The following NFE2 variants were observed in gnomAD, a reference collection of about 807,000 sequenced individuals.
The protein encoded by NFE2 is transcription factor NF-E2 45 kDa subunit.
A neutral mutation model predicts 25.8 loss-of-function variants in NFE2; 13 were observed. The ratio of observed to expected loss-of-function variants is 0.50; its 90% CI spans 0.33 to 0.80. The LOEUF (loss-of-function observed/expected upper bound fraction) is 0.80. Ranked by LOEUF, NFE2 falls within the 30% of genes least tolerant of loss-of-function variation. The pLI, the probability that NFE2 is intolerant of heterozygous loss-of-function variation, is 0.02. For synonymous variants in NFE2, 204 were observed against 200.2 expected, an observed-to-expected ratio of 1.02 and a Z score of -0.16; for missense variants, 382 against 478.9, an observed-to-expected ratio of 0.80 and a Z score of 1.89.
At chr12:54,295,365 C>T in intron 1 of NFE2, 61 bp from the exon 2 acceptor site, 1 of 756,094 alleles carries the variant, frequency 1.3e-6, no homozygotes, top group South Asian at 1.7e-5. Flanking sequence ...GTTTGCACTA[C>T]CTCCTTGGAG....
At chr12:54,295,483 G>A in intron 1 of NFE2, 179 bp from the exon 2 acceptor site, 2 of 450,216 alleles carry the variant, frequency 4.4e-6, no homozygotes, top group South Asian at 5.0e-5. Context: ...CCTGTGTTGT[G>A]ATCTCCACCT....
In NFE2 at chr12:54,292,609, C is replaced by T. The variant is rs1191004617; in HGVS notation, c.887G>A (p.Arg296Gln). The change falls in exon 3 of 3, where the codon CGG (arginine) becomes CAG (glutamine). Residue 296 changes from arginine to glutamine, a missense_variant. Coordinates refer to ENST00000435572, the MANE Select transcript of NFE2 (RefSeq NM_001136023.3). The part of the protein sequence containing the change: ...RKLETIVQLE[R>Q]ELERLTNERE... ...TTCATTGGTCAGCCGCTCCAGCTCC[C>T]GCTCCAGCTGCACAATGGTTTCCAG... The T allele has an allele frequency of 1.9e-6, 3 of 1,614,074 alleles. No individual in the cohort carries two copies. The highest frequency in any genetic ancestry group is 2.2e-5 in the South Asian group (2 of 91,094).
intron 1 of NFE2, chr12:54,297,623 A>ACCACTGC (rs1944385056): frequency 1.5e-5 from 2 of 137,456 alleles, no homozygotes; most frequent in Non-Finnish European, 3.1e-5. Flanking sequence ...CTAAGATCGC[A>ACCACTGC]CCACTGCACT....
rs1944330138 is a variant in NFE2, at chr12:54,292,799, T to C, written c.697A>G (p.Met233Val). The C allele has an allele frequency of 6.2e-7, 1 of 1,614,198 alleles. No individual in the cohort carries two copies. ...GSRDERRALAMKIPFPTDKIV... is the reference protein window; with the variant it reads ...GSRDERRALAVKIPFPTDKIV... ...TTGTCCGTAGGAAAAGGAATCTTCA[T>C]GGCCAAGGCCCGACGTTCATCCCGA... Residue 233 changes from methionine to valine, a missense_variant, in exon 3 of 3, where the codon ATG becomes GTG. Met to Val is a conservative substitution (Grantham distance 21, BLOSUM62 1). Coordinates refer to ENST00000435572, the MANE Select transcript of NFE2 (RefSeq NM_001136023.3).
chr12:54,298,445 T>A (rs1293669096), intron 1 of NFE2, among the ~76,000 whole-genome samples: 4 of 146,842 alleles, frequency 2.7e-5, no homozygotes, highest in African/African-American at 1.0e-4. Context: ...AGGCGGAGGT[T>A]GTGGTGAGCC....
rs1407457430 is a variant in NFE2, at chr12:54,292,382, T to C, written c.1114A>G (p.Thr372Ala). The change falls in exon 3 of 3, where the codon ACA becomes GCA. Residue 372 changes from threonine (T) to alanine (A), a missense_variant. By Grantham distance (58) the Thr-to-Ala change is moderately conservative. Coordinates refer to ENST00000435572, the MANE Select transcript of NFE2 (RefSeq NM_001136023.3). ...CACCCCTCTGGGCCAGCTCAGTCTGTGGCCTCCATCTTGGTCCCCCGGGGC... is the reference window on the plus strand; with the variant it reads ...CACCCCTCTGGGCCAGCTCAGTCTGCGGCCTCCATCTTGGTCCCCCGGGGC... Reference protein sequence around the residue: ...LVPRGTKMEATD With the variant: ...LVPRGTKMEAAD 4.3e-6 allele frequency: 7 copies of C among 1,613,396 alleles called. No individual in the cohort carries two copies. In the African/African-American group the frequency reaches 5.3e-5, roughly 12 times the overall value.
chr12:54,292,372 G>T lies in NFE2; in HGVS notation c.*2C>A. On this transcript the variant is annotated 3_prime_UTR_variant, in exon 3 of 3. Transcript: ENST00000435572. ...TCAGCAGTTCCACCCCTCTGGGCCA[G>T]CTCAGTCTGTGGCCTCCATCTTGGT... is the stretch of plus-strand genomic sequence containing the variant. 1 of 1,612,602 alleles carries T rather than the reference G, an allele frequency of 6.2e-7. No individual in the cohort carries two copies. The highest frequency in any genetic ancestry group is 1.3e-5 in the African/African-American group (1 of 75,032).
chr12:54,292,425 A>G lies in NFE2; in HGVS notation c.1071T>C (p.Asp357=). Residue 357 remains aspartate (D), a synonymous_variant, in exon 3 of 3, where the codon GAT becomes GAC. Coordinates refer to ENST00000435572, the MANE Select transcript of NFE2 (RefSeq NM_001136023.3). ...PEEYALQQAA[D]GTIFLVPRGT... Reference sequence around the variant, plus strand: ...CCCGGGGCACAAGGAAGATGGTCCCATCGGCAGCCTGTTGCAGCGCGTACT... The same window carrying G: ...CCCGGGGCACAAGGAAGATGGTCCCGTCGGCAGCCTGTTGCAGCGCGTACT... The G allele has an allele frequency of 1.2e-6, 2 of 1,614,226 alleles. No homozygotes were observed. The highest frequency in any genetic ancestry group is 1.7e-6 in the Non-Finnish European group (2 of 1,180,040).
At chr12:54,300,121 G>T (rs915789667) in intron 1 of NFE2, 4 of 152,120 alleles carry the variant, frequency 2.6e-5, no homozygotes, top group African/African-American at 7.2e-5. Context: ...ATGTCTAGGG[G>T]ATCCCAGCCC....
chr12:54,300,901 C>T lies in NFE2; in HGVS notation c.-157G>A, dbSNP rs1036029671. Reference sequence around the variant, plus strand: ...TGACACTGCTGGACGAGGATCCCGGCTACCTTTGAGAATCTGCGAGGACCG... The same window carrying T: ...TGACACTGCTGGACGAGGATCCCGGTTACCTTTGAGAATCTGCGAGGACCG... On this transcript the variant is annotated 5_prime_UTR_variant, in exon 1 of 3. The change abolishes the stop of an existing upstream ORF in the 5' untranslated region. Coordinates refer to ENST00000435572, the MANE Select transcript of NFE2 (RefSeq NM_001136023.3). The T allele has an allele frequency of 6.5e-6, 1 of 152,780 alleles. No individual in the cohort carries two copies. Among genetic ancestry groups the T allele is most frequent in the Non-Finnish European group, 1.5e-5 (1 of 68,536 alleles). The allele number at this position is 152,780 out of a possible 1,614,324, so 9.5% of individuals were successfully genotyped here. A position where few individuals can be genotyped will look rare whatever the true frequency, so the allele number is the denominator to read the frequency against.
intron 1 of NFE2, among the ~76,000 whole-genome samples, chr12:54,299,071 G>A (rs1420048029): frequency 2.6e-5 from 4 of 151,914 alleles, no homozygotes; most frequent in African/African-American, 4.8e-5. Context: ...AAAAAGAAGG[G>A]GAGCAAGGGG....
intron 1 of NFE2, chr12:54,297,855 G>A (rs1391749328): frequency 6.6e-6 from 1 of 151,984 alleles, no homozygotes; most frequent in African/African-American, 2.4e-5. Context: ...CCTTTTGAAA[G>A]AGTATCTCCC....
Position 54,292,404 on chromosome 12 carries a change from G to A in NFE2, c.1092C>T (p.Pro364=), listed in dbSNP as rs1565885329. 2 of 1,613,984 alleles carry A rather than the reference G, an allele frequency of 1.2e-6. No homozygotes were observed. Among genetic ancestry groups the A allele is most frequent in the Non-Finnish European group, 1.7e-6 (2 of 1,179,892 alleles). ...QAADGTIFLV[P]RGTKMEATD ...CTGTGGCCTCCATCTTGGTCCCCCGGGGCACAAGGAAGATGGTCCCATCGG... is the reference window on the plus strand; with the variant it reads ...CTGTGGCCTCCATCTTGGTCCCCCGAGGCACAAGGAAGATGGTCCCATCGG... Residue 364 remains proline, a synonymous_variant, in exon 3 of 3, where the codon CCC becomes CCT. Coordinates refer to ENST00000435572, the MANE Select transcript of NFE2 (RefSeq NM_001136023.3).
chr12:54,297,382 G>A (rs538641640), intron 1 of NFE2, among the ~76,000 whole-genome samples: 3 of 132,316 alleles, frequency 2.3e-5, no homozygotes, highest in East Asian at 4.7e-4. Flanking sequence ...AAAAAAAAAC[G>A]GCCAGGTGCA....
chr12:54,297,294 G>A (rs1341400048), intron 1 of NFE2, among the ~76,000 whole-genome samples: 2 of 145,550 alleles, frequency 1.4e-5, no homozygotes, highest in Non-Finnish European at 3.0e-5. Context: ...GGTCACGGCT[G>A]CAGTGAGCCA....
chr12:54,299,632 C>T (rs766967240), intron 1 of NFE2, among the ~76,000 whole-genome samples: 3 of 152,094 alleles, frequency 2.0e-5, no homozygotes, highest in Non-Finnish European at 2.9e-5. Context: ...CAGAATGATA[C>T]GGAGCTTCAT....
At position 54,292,530 on chromosome 12, in the gene NFE2, C is replaced by T; in HGVS notation, c.966G>A (p.Met322Ile). The T allele has an allele frequency of 1.2e-6, 2 of 1,614,224 alleles. No homozygotes were observed. Among genetic ancestry groups the T allele is most frequent in the Non-Finnish European group, 1.7e-6 (2 of 1,180,042 alleles). The change falls in exon 3 of 3, where the codon ATG becomes ATA. Residue 322 changes from methionine (M) to isoleucine (I), a missense_variant. Transcript: ENST00000435572. ...GGTACAGCTCTGTCAGCTGTTGGCGCATGACCTCCAGGGTCCGGTCTGCCT... is the reference window on the plus strand; with the variant it reads ...GGTACAGCTCTGTCAGCTGTTGGCGTATGACCTCCAGGGTCCGGTCTGCCT... The part of the protein sequence containing the change: ...RGEADRTLEV[M>I]RQQLTELYRD...
At chr12:54,294,105 A>T (rs1944346128) in intron 2 of NFE2, among the ~76,000 whole-genome samples, 1 of 151,790 alleles carries the variant, frequency 6.6e-6, no homozygotes, top group Non-Finnish European at 1.5e-5. Context: ...TCTACTAAAA[A>T]TACAAAAAAT....
chr12:54,297,356 CAAAA>C (rs35611028), intron 1 of NFE2, among the ~76,000 whole-genome samples: 5 of 50,012 alleles, frequency 1.0e-4, no homozygotes, highest in African/African-American at 2.7e-4. Flanking sequence ...GACCCTGTCT[CAAAA>C]AAAAAAAAAA....
Sources: allele counts gnomAD v4.1 joint callset (sites outside exome capture counted in the v4.1 genomes callset), GRCh38; gene constraint gnomAD v4.1.1; transcripts MANE v1.5; gene names NCBI Gene and HGNC (gene_info 2026-07-23, HGNC 2026-07-21).